RNF17: variants seen among roughly 807,000 people sequenced by gnomAD.
The protein encoded by RNF17 is ring finger protein 17.
RNF17 carries 31 observed loss-of-function variants against 200.5 expected under a neutral mutation model. The observed-to-expected ratio is 0.15, with a 90% CI of 0.12 to 0.21. RNF17 has a LOEUF of 0.21. RNF17 is among the 10% of genes least tolerant of loss of function. RNF17 has a pLI of 1.00. For missense variants in RNF17, 1,628 were observed against 1,905.1 expected (o/e 0.85, Z 2.71); for synonymous variants, 606 against 637.8 (o/e 0.95, Z 0.75).
chr13:24,748,400 G>A, the RNF17 span, among the ~76,000 whole-genome samples: 1 of 152,224 alleles, frequency 6.6e-6, no homozygotes, highest in Non-Finnish European at 1.5e-5. Flanking sequence ...ATCTACAAAA[G>A]TATGTTAGCT....
At chr13:24,811,821 G>A (rs185544615) in intron 15 of RNF17, among the ~76,000 whole-genome samples, 2 of 151,954 alleles carry the variant, frequency 1.3e-5, no homozygotes, top group East Asian at 3.9e-4. Flanking sequence ...TGGGTTTTTG[G>A]TGTGGATGTC....
chr13:24,825,786 T>A lies in RNF17; in HGVS notation c.2245+14T>A. On this transcript the variant is annotated intron_variant, in intron 16 of 35. Coordinates refer to ENST00000255324, the MANE Select transcript of RNF17 (RefSeq NM_031277.3). ...CAAAAGTTATCGGTAGGAGAATGCATGCTGTTTCTACAGGGAGATGTCATA... is the reference window on the plus strand; with the variant it reads ...CAAAAGTTATCGGTAGGAGAATGCAAGCTGTTTCTACAGGGAGATGTCATA... 6.2e-7 allele frequency: 1 copy of A among 1,609,064 alleles called. No homozygotes were observed. Among genetic ancestry groups the A allele is most frequent in the Non-Finnish European group, 8.5e-7 (1 of 1,177,362 alleles).
downstream of RNF17, chr13:24,883,308 T>C (rs1953917061): frequency 1.9e-6 from 3 of 1,614,036 alleles, no homozygotes; most frequent in East Asian, 6.7e-5. Context: ...TCCCGTCTCT[T>C]GAACTGGGCA....
intron 30 of RNF17, among the ~76,000 whole-genome samples, chr13:24,867,319 T>C (rs1034193): frequency 0.98 from 149,648 of 152,314 alleles, 73,555 homozygotes; most frequent in Middle Eastern, 1. Context: ...GACCACCACA[T>C]CCAGCTTTCT....
chr13:24,833,744 C>T (rs1376182532), intron 18 of RNF17, among the ~76,000 whole-genome samples: 1 of 152,188 alleles, frequency 6.6e-6, no homozygotes, highest in Non-Finnish European at 1.5e-5. Context: ...TTTTCCCATT[C>T]ACCTGCACAG....
At chr13:24,859,410 G>A (rs1892854580) in intron 26 of RNF17, among the ~76,000 whole-genome samples, 1 of 152,294 alleles carries the variant, frequency 6.6e-6, no homozygotes, top group South Asian at 2.1e-4. Context: ...CCTCTTAGTT[G>A]TAATTGGTAG....
At chr13:24,813,846 G>T (rs9511461) in intron 15 of RNF17, among the ~76,000 whole-genome samples, 9 of 80,192 alleles carry the variant, frequency 1.1e-4, no homozygotes, top group South Asian at 9.3e-4. Context: ...TTTTTTTTTA[G>T]AGACAGGTTC....
intron 3 of RNF17, among the ~76,000 whole-genome samples, chr13:24,778,018 T>C (rs993386684): frequency 6.6e-6 from 1 of 152,120 alleles, no homozygotes; most frequent in East Asian, 1.9e-4. Flanking sequence ...TCCCAGCACT[T>C]TGGGGGGCCG....
In RNF17 at chr13:24,842,133, A is replaced by G. The variant is rs1175080198; in HGVS notation, c.2575A>G (p.Lys859Glu). The G allele has an allele frequency of 3.7e-6, 6 of 1,609,606 alleles. No homozygotes were observed. The African/African-American group carries it at 8.0e-5, about 22-fold the overall frequency. ...TACTAGTATTAATGACCAGCTAGTT[A>G]AAGAGGGCCTAGCATCTTATGAAAT... ...TTTSINDQLV[K>E]EGLASYEIGY... Residue 859 changes from lysine (K) to glutamate (E), a missense_variant, in exon 19 of 36, where the codon AAA becomes GAA. Transcript: ENST00000255324.
chr13:24,772,426 A>ATTTTTTTTTTTTTTTTTTTTTTT (rs34066913), intron 2 of RNF17, among the ~76,000 whole-genome samples: 1 of 106,022 alleles, frequency 9.4e-6, no homozygotes, highest in African/African-American at 3.7e-5. Flanking sequence ...TTGAGTCTCC[A>ATTTTTTTTTTTTTTTTTTTTTTT]TTTTTTTTTT....
intron 19 of RNF17, 36 bp downstream of exon 19, chr13:24,842,197 G>A (rs201616855): frequency 1.9e-6 from 3 of 1,543,236 alleles, no homozygotes; most frequent in Admixed American, 3.8e-5. Context: ...GTTAGTTCAT[G>A]TTCTTATGTA....
intron 32 of RNF17, 96 bp from the exon 33 acceptor site, chr13:24,874,016 CAT>C (rs1894588217): frequency 1.7e-6 from 2 of 1,207,574 alleles, no homozygotes; most frequent in South Asian, 2.7e-5. Flanking sequence ...CTGCAACAAA[CAT>C]GGGGTACAAG....
chr13:24,850,436 A>T lies in RNF17; in HGVS notation c.3197A>T (p.Asp1066Val). Residue 1066 changes from aspartate to valine, a missense_variant, in exon 23 of 36, where the codon GAT becomes GTT. Physicochemically the swap from Asp to Val is radical, Grantham distance 152. This residue lies in a region of RNF17 where 609 missense variants were observed against 681.9 expected (regional missense o/e 0.89). Transcript: ENST00000255324. ...GTAGCAACTATAATCTTACAGGTGG[A>T]TAGTGAGGTAACAAGTTACAAGAGA... Reference protein sequence around the residue: ...GAVATIILQVDSEENNTTWPL... With the variant: ...GAVATIILQVVSEENNTTWPL... 6.3e-7 allele frequency: 1 copy of T among 1,597,486 alleles called. No homozygotes were observed. The highest frequency in any genetic ancestry group is 8.6e-7 in the Non-Finnish European group (1 of 1,165,786).
At chr13:24,869,283 C>CT (rs1893995524) in intron 31 of RNF17, among the ~76,000 whole-genome samples, 1 of 152,202 alleles carries the variant, frequency 6.6e-6, no homozygotes, top group Non-Finnish European at 1.5e-5. Context: ...CTCCTTCAGC[C>CT]TTTTACACAG....
At chr13:24,809,075 A>G (rs1175843465) in intron 15 of RNF17, among the ~76,000 whole-genome samples, 2 of 151,752 alleles carry the variant, frequency 1.3e-5, no homozygotes, top group Non-Finnish European at 2.9e-5. Context: ...TTTTGCATCA[A>G]TGTTCATCAA....
intron 33 of RNF17, among the ~76,000 whole-genome samples, chr13:24,874,484 A>G (rs1304562486): frequency 1.3e-5 from 2 of 148,862 alleles, no homozygotes; most frequent in Non-Finnish European, 3.0e-5. Context: ...ATCTTGGCTC[A>G]CTGCAACCTC....
At chr13:24,845,369 G>A (rs1891145853) in intron 22 of RNF17, among the ~76,000 whole-genome samples, 1 of 152,162 alleles carries the variant, frequency 6.6e-6, no homozygotes. Flanking sequence ...TGCATAGAAA[G>A]CTAAAAATAT....
intron 31 of RNF17, among the ~76,000 whole-genome samples, chr13:24,869,436 A>G (rs1566252911): frequency 6.6e-6 from 1 of 152,320 alleles, no homozygotes; most frequent in East Asian, 1.9e-4. Flanking sequence ...CTGTATCACA[A>G]TTTACCCCTA....
At chr13:24,863,020 A>G (rs1893254221) in intron 28 of RNF17, among the ~76,000 whole-genome samples, 1 of 152,224 alleles carries the variant, frequency 6.6e-6, no homozygotes, top group South Asian at 2.1e-4. Flanking sequence ...ACTAATTTGA[A>G]AGATTCTTTA....
Sources: gnomAD v4.1 joint callset for allele counts (sites outside exome capture counted in the v4.1 genomes callset) on GRCh38, gnomAD v4.1.1 for gene constraint, gnomAD v4.1.1 regional missense constraint, MANE v1.5 for transcripts, NCBI Gene and HGNC (gene_info 2026-07-23, HGNC 2026-07-21) for gene names.